Variants in NWD2 observed in about 807,000 individuals in gnomAD.
NWD2 encodes NACHT and WD repeat domain containing 2.
In NWD2, 37 loss-of-function variants were observed where a neutral mutation model predicts 132.7. The ratio of observed to expected loss-of-function variants is 0.28; its 90% CI spans 0.21 to 0.37. The LOEUF (loss-of-function observed/expected upper bound fraction) is 0.37, where lower values mean the gene tolerates loss of function less well. NWD2 is among the 10% of genes least tolerant of loss of function. NWD2 has a pLI of 1.00. For synonymous variants in NWD2, 705 were observed against 803.0 expected (o/e 0.88, Z 2.06); for missense variants, 1,592 against 2,122.4 (o/e 0.75, Z 4.91).
intron 1 of NWD2, among the ~76,000 whole-genome samples, chr4:37,325,340 C>T (rs950522196): frequency 1.2e-4 from 18 of 152,030 alleles, no homozygotes; most frequent in African/African-American, 3.9e-4. Context: ...TCCCTAAGCC[C>T]GGGGTGGGGA....
chr4:37,275,575 A>T (rs1479859526), intron 1 of NWD2, among the ~76,000 whole-genome samples: 1 of 152,158 alleles, frequency 6.6e-6, no homozygotes, highest in Non-Finnish European at 1.5e-5. Flanking sequence ...GGAAAAAACT[A>T]CTTTAAAGTT....
At chr4:37,252,055 A>G (rs897503572) in intron 1 of NWD2, among the ~76,000 whole-genome samples, 1 of 152,150 alleles carries the variant, frequency 6.6e-6, no homozygotes, top group African/African-American at 2.4e-5. Flanking sequence ...CGAGGTGTGG[A>G]GGGGGTCAGA....
intron 3 of NWD2, among the ~76,000 whole-genome samples, chr4:37,412,797 A>C (rs997429078): frequency 2.0e-5 from 3 of 152,234 alleles, no homozygotes; most frequent in African/African-American, 7.2e-5. Context: ...AGACCAATAG[A>C]ACAGAACACA....
intron 3 of NWD2, among the ~76,000 whole-genome samples, chr4:37,393,109 C>A (rs1015410818): frequency 6.6e-6 from 1 of 152,076 alleles, no homozygotes; most frequent in African/African-American, 2.4e-5. Flanking sequence ...TGAAAGGGAG[C>A]AGGCAGTGAG....
intron 1 of NWD2, among the ~76,000 whole-genome samples, chr4:37,294,642 T>G (rs537274015): frequency 7.5e-4 from 115 of 152,362 alleles, no homozygotes; most frequent in African/African-American, 2.7e-3. Context: ...AACAAAAATT[T>G]TTTGGAAAAC....
chr4:37,445,569 G>T lies in NWD2; in HGVS notation c.3581G>T (p.Ser1194Ile). ...DCRREDSEVV[S>I]IELSEDQSAV... is the part of the protein sequence containing the mutation. ...CGAAGAGAAGACAGTGAGGTGGTCAGCATTGAGCTTTCAGAAGACCAAAGT... is the reference window on the plus strand; with the variant it reads ...CGAAGAGAAGACAGTGAGGTGGTCATCATTGAGCTTTCAGAAGACCAAAGT... Residue 1194 changes from serine to isoleucine, a missense_variant, in exon 7 of 7, where the codon AGC (serine) becomes ATC (isoleucine). Transcript: ENST00000309447. The surrounding 1 kb of genome is among the most constrained non-coding windows in gnomAD (Gnocchi z 4.7). 6.4e-7 allele frequency: 1 copy of T among 1,552,224 alleles called. No homozygotes were observed. The highest frequency in any genetic ancestry group is 2.0e-5 in the Admixed American group (1 of 51,006).
At chr4:37,282,583 A>G (rs985923499) in intron 1 of NWD2, among the ~76,000 whole-genome samples, 2 of 152,326 alleles carry the variant, frequency 1.3e-5, no homozygotes, top group East Asian at 3.9e-4. Flanking sequence ...AGTCAACCAC[A>G]GTTCCATCAC....
chr4:37,277,591 A>T (rs1218759968), intron 1 of NWD2, among the ~76,000 whole-genome samples: 2 of 152,136 alleles, frequency 1.3e-5, no homozygotes, highest in African/African-American at 4.8e-5. Flanking sequence ...TTTAAAAAAA[A>T]ATTCAGCTGC....
intron 3 of NWD2, among the ~76,000 whole-genome samples, chr4:37,412,877 G>A (rs1330955343): frequency 6.6e-6 from 1 of 152,148 alleles, no homozygotes; most frequent in East Asian, 1.9e-4. Flanking sequence ...ACAAGCAATG[G>A]GGAAAACATT....
At chr4:37,303,953 CTAGGACTTT>C (rs1369278628) in intron 1 of NWD2, among the ~76,000 whole-genome samples, 2 of 152,154 alleles carry the variant, frequency 1.3e-5, no homozygotes, top group Non-Finnish European at 2.9e-5. Context: ...ATGCCTCTGA[CTAGGACTTT>C]TAGTTCTGTG....
chr4:37,368,224 C>A (rs922170280), intron 3 of NWD2, among the ~76,000 whole-genome samples: 5 of 152,152 alleles, frequency 3.3e-5, no homozygotes, highest in Admixed American at 6.5e-5. Context: ...GCTGCCAAAA[C>A]CTGCACTTGA....
intron 3 of NWD2, among the ~76,000 whole-genome samples, chr4:37,376,347 A>C (rs1720350448): frequency 6.6e-6 from 1 of 152,198 alleles, no homozygotes; most frequent in Non-Finnish European, 1.5e-5. Flanking sequence ...GGGATATCAT[A>C]TTTATTTCAC....
chr4:37,290,305 A>G (rs1409004317), intron 1 of NWD2, among the ~76,000 whole-genome samples: 2 of 152,202 alleles, frequency 1.3e-5, no homozygotes, highest in Admixed American at 6.5e-5. Flanking sequence ...ACCATTAATT[A>G]TATTTTAAAA....
chr4:37,338,313 G>T (rs1036086870), intron 2 of NWD2, among the ~76,000 whole-genome samples: 1 of 152,238 alleles, frequency 6.6e-6, no homozygotes, highest in African/African-American at 2.4e-5. Context: ...TGGGGACTGG[G>T]CCCAAGAGCT....
At chr4:37,321,827 T>C (rs973993439) in intron 1 of NWD2, among the ~76,000 whole-genome samples, 3 of 152,200 alleles carry the variant, frequency 2.0e-5, no homozygotes, top group East Asian at 3.8e-4. Context: ...ATTTTTAATA[T>C]AAATAAGAGC....
rs1719919161 is a variant in NWD2 at position 37,358,737 on chromosome 4, CA to C, written c.357+2256del. Among the ~76,000 whole-genome samples the C allele has an allele frequency of 3.3e-5, 5 of 152,290 alleles. No homozygotes were observed. In the South Asian group the frequency reaches 1.0e-3, roughly 32 times the overall value. ...TTACAGGCAGTTTTATAGTATTTCACACATAGTAATCCATTAAAAAGTGTTC... is the reference window on the plus strand; with the variant it reads ...TTACAGGCAGTTTTATAGTATTTCACCATAGTAATCCATTAAAAAGTGTTC... On this transcript the variant is annotated intron_variant, in intron 3 of 6. Transcript: ENST00000309447.
intron 3 of NWD2, among the ~76,000 whole-genome samples, chr4:37,361,907 T>A (rs1719989232): frequency 6.6e-6 from 1 of 152,176 alleles, no homozygotes; most frequent in Non-Finnish European, 1.5e-5. Flanking sequence ...ATGATGTGAT[T>A]CTATACCTAG....
At chr4:37,409,833 A>G (rs4832902) in intron 3 of NWD2, among the ~76,000 whole-genome samples, 32,325 of 152,148 alleles carry the variant, frequency 0.21, 5,395 homozygotes, top group African/African-American at 0.46. Context: ...CAAGCCAGAA[A>G]AGAGTAGGGG....
intron 2 of NWD2, among the ~76,000 whole-genome samples, chr4:37,327,104 A>AT (rs1411464971): frequency 1.3e-5 from 2 of 152,148 alleles, no homozygotes; most frequent in African/African-American, 4.8e-5. Flanking sequence ...TTTACTGATA[A>AT]TAGGGTCCCA....
Sources: allele counts gnomAD v4.1 joint callset (sites outside exome capture counted in the v4.1 genomes callset), GRCh38; gene constraint gnomAD v4.1.1; non-coding constraint Gnocchi (gnomAD v3.1); transcripts MANE v1.5; gene names NCBI Gene and HGNC (gene_info 2026-07-23, HGNC 2026-07-21).